TMEM170A: variants seen among roughly 807,000 people sequenced by gnomAD.
The protein encoded by TMEM170A is transmembrane protein 170A.
A neutral mutation model predicts 12.8 loss-of-function variants in TMEM170A; 18 were observed. The observed-to-expected ratio is 1.41, with a 90% confidence interval of 0.97 to 2.09. TMEM170A has a LOEUF of 2.09. Ranked by LOEUF, TMEM170A falls within the 30% of genes most tolerant of loss-of-function variation. The pLI, the probability that TMEM170A is intolerant of heterozygous loss-of-function variation, is 0.00. For synonymous variants in TMEM170A, 107 were observed against 76.2 expected, an observed-to-expected ratio of 1.40 and a Z score of -2.11; for missense variants, 220 against 179.9, an observed-to-expected ratio of 1.22 and a Z score of -1.28.
rs1483518333 is a variant in TMEM170A at position 75,464,120 on chromosome 16, G to A, written c.133+348C>T. The A allele has an allele frequency of 3.3e-6, 4 of 1,202,224 alleles. No individual in the cohort carries two copies. The East Asian group carries it at 1.2e-4, about 36-fold the overall frequency. 74.5% of individuals were successfully genotyped at this position (1,202,224 alleles called of 1,614,324 possible). A position where few individuals can be genotyped will look rare whatever the true frequency, so the allele number is the denominator to read the frequency against. On this transcript the variant is annotated intron_variant, in intron 1 of 2. Transcript: ENST00000561878. ...CCGTGGGGCAACCCAGGCAGGGCGG[G>A]GACCACAGCCTCCCGGGCTCGTGGG...
At position 75,446,583 on chromosome 16, in the gene TMEM170A, T is replaced by C. The variant is rs2079590314; in HGVS notation, c.*975A>G. 1 of 152,162 alleles carries C rather than the reference T, an allele frequency of 6.6e-6. No homozygotes were observed. Among genetic ancestry groups the C allele is most frequent in the Non-Finnish European group, 1.5e-5 (1 of 68,030 alleles). 9.4% of individuals were successfully genotyped at this position (152,162 alleles called of 1,614,324 possible). A position where few individuals can be genotyped will look rare whatever the true frequency, so the allele number is the denominator to read the frequency against. ...GAAGAGTTACCACTAGGTAAACACA[T>C]TAAGCTAAAAAATCAATAACCACTA... On this transcript the variant is annotated 3_prime_UTR_variant, in exon 3 of 3. Coordinates refer to ENST00000561878, the MANE Select transcript of TMEM170A (RefSeq NM_145254.3).
chr16:75,464,402 G>C (rs964173199), intron 1 of TMEM170A, 66 bp downstream of exon 1: 9 of 1,384,988 alleles, frequency 6.5e-6, no homozygotes, highest in Non-Finnish European at 8.4e-6. Flanking sequence ...CCCAGACTCG[G>C]GGCGCCCACA....
chr16:75,449,517 C>T (rs1327905047), intron 2 of TMEM170A, among the ~76,000 whole-genome samples: 1 of 152,126 alleles, frequency 6.6e-6, no homozygotes, highest in Admixed American at 6.6e-5. Context: ...CAGGGTCTCA[C>T]TATGTTGCCA....
intron 2 of TMEM170A, 28 bp from the exon 3 acceptor site, chr16:75,447,716 A>AAAAACAAAAAACG: frequency 6.4e-7 from 1 of 1,565,934 alleles, no homozygotes; most frequent in Non-Finnish European, 8.6e-7. Flanking sequence ...AATGTTAAAC[A>AAAAACAAAAAACG]AAAACAAAAA....
intron 1 of TMEM170A, chr16:75,458,203 T>C (rs1305261967): frequency 2.0e-5 from 3 of 152,248 alleles, no homozygotes; most frequent in African/African-American, 7.2e-5. Flanking sequence ...CTTTGGCAGC[T>C]AAAGGCACAT....
At chr16:75,463,933 G>C (rs896070992) in intron 1 of TMEM170A, among the ~76,000 whole-genome samples, 1 of 152,254 alleles carries the variant, frequency 6.6e-6, no homozygotes. Flanking sequence ...CTAGAAAGCG[G>C]AGCGGGTCTC....
intron 1 of TMEM170A, among the ~76,000 whole-genome samples, chr16:75,463,291 A>C (rs1356484140): frequency 6.6e-6 from 1 of 152,094 alleles, no homozygotes; most frequent in Non-Finnish European, 1.5e-5. Context: ...GAATACCATC[A>C]ATTTTTTGAT....
At chr16:75,454,940 CAAG>C (rs2079761213) in intron 1 of TMEM170A, among the ~76,000 whole-genome samples, 1 of 152,206 alleles carries the variant, frequency 6.6e-6, no homozygotes, top group South Asian at 2.1e-4. Flanking sequence ...ACAGAGGTAA[CAAG>C]AAGGTCCCAA....
intron 1 of TMEM170A, 99 bp downstream of exon 1, chr16:75,464,369 C>T (rs1473503863): frequency 7.3e-7 from 1 of 1,378,364 alleles, no homozygotes; most frequent in Non-Finnish European, 9.4e-7. Flanking sequence ...ACGCCGCCAG[C>T]AGGCTGCGCA....
intron 1 of TMEM170A, among the ~76,000 whole-genome samples, chr16:75,457,909 G>A (rs946866163): frequency 3.3e-5 from 5 of 152,210 alleles, no homozygotes; most frequent in Non-Finnish European, 7.3e-5. Context: ...GTTTATTATA[G>A]ATGAGTAGAG....
intron 1 of TMEM170A, among the ~76,000 whole-genome samples, chr16:75,453,829 T>C (rs1487592615): frequency 6.6e-6 from 1 of 152,206 alleles, no homozygotes; most frequent in Non-Finnish European, 1.5e-5. Context: ...AATCATCAAC[T>C]ATGTATGAAA....
chr16:75,463,989 C>A (rs1417247466), intron 1 of TMEM170A, among the ~76,000 whole-genome samples: 1 of 152,244 alleles, frequency 6.6e-6, no homozygotes, highest in African/African-American at 2.4e-5. Flanking sequence ...AGCGAACGAG[C>A]GCCTGCGCGG....
intron 1 of TMEM170A, among the ~76,000 whole-genome samples, chr16:75,457,808 G>A (rs1311160871): frequency 6.6e-6 from 1 of 152,078 alleles, no homozygotes; most frequent in South Asian, 2.1e-4. Context: ...GAGGCACACC[G>A]CACCCCCTAC....
chr16:75,460,407 G>A (rs1441877868), intron 1 of TMEM170A, among the ~76,000 whole-genome samples: 1 of 151,974 alleles, frequency 6.6e-6, no homozygotes, highest in Non-Finnish European at 1.5e-5. Context: ...CCTCCTCTGT[G>A]CGTTGCCGAC....
Position 75,462,049 on chromosome 16 carries a change from G to A in TMEM170A, c.133+2419C>T, listed in dbSNP as rs552871164. The stretch of plus-strand genomic sequence containing the variant: ...CTACATATGACGTTTAATTAACAGA[G>A]GATGCAGGAACCCTTACAGTAGAGA... On this transcript the variant is annotated intron_variant, in intron 1 of 2. Transcript: ENST00000561878. 3.3e-5 allele frequency among the ~76,000 whole-genome samples: 5 copies of A among 152,198 alleles called. No individual in the cohort carries two copies. The East Asian group carries it at 7.7e-4, about 23-fold the overall frequency.
At chr16:75,448,800 G>A (rs1028089123) in intron 2 of TMEM170A, among the ~76,000 whole-genome samples, 5 of 151,326 alleles carry the variant, frequency 3.3e-5, no homozygotes, top group African/African-American at 7.3e-5. Context: ...AGTGGCTCAA[G>A]CCTATAATCC....
intron 2 of TMEM170A, among the ~76,000 whole-genome samples, chr16:75,447,938 T>C (rs1259526958): frequency 2.0e-5 from 3 of 152,214 alleles, no homozygotes; most frequent in Non-Finnish European, 2.9e-5. Flanking sequence ...CCTAGATTTA[T>C]TGAATAAAAT....
Position 75,451,674 on chromosome 16 carries a change from A to G in TMEM170A, c.299T>C (p.Leu100Ser). 1 of 1,614,220 alleles carries G rather than the reference A, an allele frequency of 6.2e-7. No individual in the cohort carries two copies. The highest frequency in any genetic ancestry group is 8.5e-7 in the Non-Finnish European group (1 of 1,180,042). ...GIVGPITAGI[L>S]TSAAIAGVYR... ...TATTTTAATGTCTAACATACTTGTC[A>G]AGATTCCAGCAGTAATTGGTCCCAC... is the stretch of plus-strand genomic sequence containing the variant. The change falls in exon 2 of 3, where the codon TTG (leucine) becomes TCG (serine). Residue 100 changes from leucine (L) to serine (S), a missense_variant. Transcript: ENST00000561878.
intron 1 of TMEM170A, among the ~76,000 whole-genome samples, chr16:75,454,482 A>AC (rs1555572635): frequency 3.1e-4 from 47 of 151,398 alleles, no homozygotes; most frequent in African/African-American, 1.0e-3. Context: ...ACACACACAC[A>AC]AAATTAGCCG....
Sources: gnomAD v4.1 joint callset for allele counts (sites outside exome capture counted in the v4.1 genomes callset) on GRCh38, gnomAD v4.1.1 for gene constraint, MANE v1.5 for transcripts, NCBI Gene and HGNC (gene_info 2026-07-23, HGNC 2026-07-21) for gene names.